Variants in KSR1 observed in about 807,000 individuals in gnomAD.
KSR1 encodes the protein kinase suppressor of ras.
KSR1 carries 35 observed loss-of-function variants against 92.9 expected under a neutral mutation model. The observed-to-expected ratio is 0.38, with a 90% confidence interval of 0.29 to 0.50. The LOEUF (loss-of-function observed/expected upper bound fraction) is 0.50, where lower values mean the gene tolerates loss of function less well. Ranked by LOEUF, KSR1 falls within the 20% of genes least tolerant of loss-of-function variation. KSR1 has a pLI of 0.94. For synonymous variants in KSR1, 467 were observed against 472.6 expected, an observed-to-expected ratio of 0.99 and a Z score of 0.15; for missense variants, 972 against 1,158.5, an observed-to-expected ratio of 0.84 and a Z score of 2.34.
chr17:27,548,497 G>T (rs79986032), intron 1 of KSR1, among the ~76,000 whole-genome samples: 1 of 151,952 alleles, frequency 6.6e-6, no homozygotes, highest in South Asian at 2.1e-4. Context: ...CGGTGCAGTG[G>T]TCCTAAGTGT....
chr17:27,517,237 A>C (rs1475279874), intron 1 of KSR1, among the ~76,000 whole-genome samples: 2 of 152,222 alleles, frequency 1.3e-5, no homozygotes, highest in Non-Finnish European at 2.9e-5. Flanking sequence ...TCATCTACAT[A>C]ATAAGAACCT....
Position 27,508,942 on chromosome 17 carries a change from G to T in KSR1, c.232-41626G>T, listed in dbSNP as rs1050606067. On this transcript the variant is annotated intron_variant, in intron 1 of 20. Transcript: ENST00000644974. Reference sequence around the variant, plus strand: ...GATAGGGTTTCACCATGTTGGCCAGGCTGGTTTCAAACTCTTGACCTCAGG... The same window carrying T: ...GATAGGGTTTCACCATGTTGGCCAGTCTGGTTTCAAACTCTTGACCTCAGG... Among the ~76,000 whole-genome samples, 5 of 152,038 alleles carry T rather than the reference G, an allele frequency of 3.3e-5. No homozygotes were observed. In the East Asian group the frequency reaches 9.7e-4, roughly 30 times the overall value.
In KSR1 at chr17:27,610,216, G is replaced by T; in HGVS notation, c.2357+18G>T. 1 of 1,613,566 alleles carries T rather than the reference G, an allele frequency of 6.2e-7. No individual in the cohort carries two copies. The highest frequency in any genetic ancestry group is 8.5e-7 in the Non-Finnish European group (1 of 1,179,560). ...GCATTTGGGTGAGTAGGCCCCTGGT[G>T]CCCTGAGGCCAAGTGTGGCCAAAAC... On this transcript the variant is annotated intron_variant, in intron 17 of 20. Transcript: ENST00000644974.
chr17:27,539,409 C>G (rs575824608), intron 1 of KSR1, among the ~76,000 whole-genome samples: 12 of 152,248 alleles, frequency 7.9e-5, no homozygotes, highest in Non-Finnish European at 1.6e-4. Context: ...CACCGAGCAG[C>G]AGGGCTGCTG....
At chr17:27,488,417 A>G (rs563580257) in intron 1 of KSR1, among the ~76,000 whole-genome samples, 1 of 152,050 alleles carries the variant, frequency 6.6e-6, no homozygotes, top group Non-Finnish European at 1.5e-5. Context: ...CATTATTAGT[A>G]GTAGTTTTTT....
chr17:27,619,816 G>C (rs185169859), intron 19 of KSR1, among the ~76,000 whole-genome samples: 1 of 152,214 alleles, frequency 6.6e-6, no homozygotes, highest in African/African-American at 2.4e-5. Context: ...GGGTTCAAGC[G>C]ATTCTCATGC....
At chr17:27,604,420 GA>G (rs1260086741) in intron 12 of KSR1, among the ~76,000 whole-genome samples, 1 of 152,202 alleles carries the variant, frequency 6.6e-6, no homozygotes, top group East Asian at 1.9e-4. Context: ...TGTCACATCT[GA>G]AAAGGGGCTT....
chr17:27,536,132 G>C (rs2070743282), intron 1 of KSR1, among the ~76,000 whole-genome samples: 1 of 152,240 alleles, frequency 6.6e-6, no homozygotes, highest in African/African-American at 2.4e-5. Context: ...CAGCGCTGAA[G>C]TGAGAGACGG....
chr17:27,487,962 C>G (rs1170242407), intron 1 of KSR1, among the ~76,000 whole-genome samples: 1 of 152,192 alleles, frequency 6.6e-6, no homozygotes, highest in Non-Finnish European at 1.5e-5. Context: ...CCACCTTCCA[C>G]CAGACAACAC....
At chr17:27,575,069 C>T (rs2072452677) in intron 2 of KSR1, among the ~76,000 whole-genome samples, 1 of 152,168 alleles carries the variant, frequency 6.6e-6, no homozygotes, top group South Asian at 2.1e-4. Flanking sequence ...TATAGGGGTC[C>T]CATTCTGGAT....
At chr17:27,588,578 C>G in intron 6 of KSR1, 43 bp downstream of exon 6, 1 of 1,536,930 alleles carries the variant, frequency 6.5e-7, no homozygotes, top group Non-Finnish European at 8.8e-7. Flanking sequence ...CACAGCCGGG[C>G]TGGTACCCAG....
intron 1 of KSR1, among the ~76,000 whole-genome samples, chr17:27,492,451 C>G (rs955407277): frequency 1.3e-5 from 2 of 152,186 alleles, no homozygotes; most frequent in African/African-American, 4.8e-5. Context: ...AGATCTTCCT[C>G]GAGAGTCAAT....
intron 1 of KSR1, among the ~76,000 whole-genome samples, chr17:27,518,785 G>T (rs1268046170): frequency 1.3e-5 from 2 of 152,198 alleles, no homozygotes; most frequent in Non-Finnish European, 2.9e-5. Flanking sequence ...TCCACCAAAG[G>T]CATAGCCTTC....
At position 27,582,695 on chromosome 17, in the gene KSR1, G is replaced by C. The variant is rs762721646; in HGVS notation, c.570G>C (p.Arg190=). 1 of 1,613,498 alleles carries C rather than the reference G, an allele frequency of 6.2e-7. No homozygotes were observed. The highest frequency in any genetic ancestry group is 1.1e-5 in the South Asian group (1 of 91,030). ...DSSWSSLDAR[R]ESGSGPSTDT... ...GTTGGAGTTCATTGGATGCGCGGCG[G>C]GAAAGTGGCTCAGGGCCTTCCACGG... The change falls in exon 4 of 21, where the codon CGG becomes CGC. Residue 190 remains arginine (R), a synonymous_variant. Coordinates refer to ENST00000644974, the MANE Select transcript of KSR1 (RefSeq NM_001394583.1).
intron 18 of KSR1, among the ~76,000 whole-genome samples, chr17:27,616,227 G>T (rs1013556483): frequency 6.6e-5 from 10 of 152,066 alleles, no homozygotes; most frequent in Non-Finnish European, 1.3e-4. Context: ...CTGCCCAATA[G>T]TCTGTTTACT....
chr17:27,597,191 G>A, intron 9 of KSR1, 77 bp from the exon 10 acceptor site: 63 of 1,460,886 alleles, frequency 4.3e-5, no homozygotes, highest in Middle Eastern at 1.8e-4. Flanking sequence ...TTCCAGATGG[G>A]GAAGGGAGGG....
intron 19 of KSR1, among the ~76,000 whole-genome samples, chr17:27,619,966 G>A (rs1044088546): frequency 7.2e-4 from 109 of 152,190 alleles, no homozygotes; most frequent in African/African-American, 1.9e-3. Flanking sequence ...CCACAGTGCT[G>A]GGATTACAGG....
chr17:27,481,253 T>C (rs2086866129), intron 1 of KSR1, among the ~76,000 whole-genome samples: 1 of 152,164 alleles, frequency 6.6e-6, no homozygotes, highest in African/African-American at 2.4e-5. Flanking sequence ...CTTGGACTGC[T>C]AGGTTGGGAG....
chr17:27,621,835 A>G (rs922071813), intron 20 of KSR1: 2 of 1,275,214 alleles, frequency 1.6e-6, no homozygotes, highest in Non-Finnish European at 2.3e-6. Context: ...TCCCCTGCCC[A>G]GCTGCTCTGG....
Sources: allele counts gnomAD v4.1 joint callset (sites outside exome capture counted in the v4.1 genomes callset), GRCh38; gene constraint gnomAD v4.1.1; transcripts MANE v1.5; gene names NCBI Gene and HGNC (gene_info 2026-07-23, HGNC 2026-07-21).